The following RFX8 variants were observed in gnomAD, a reference collection of about 807,000 sequenced individuals.
RFX8 encodes the protein regulatory factor X8, also known as DNA-binding protein RFX8.
In RFX8, 46 loss-of-function variants were observed where a neutral mutation model predicts 54.6. The observed-to-expected ratio is 0.84, with a 90% confidence interval of 0.67 to 1.08. RFX8 has a LOEUF of 1.08. Ranked by LOEUF, RFX8 falls within the 50% of genes least tolerant of loss-of-function variation. The pLI is 0.00. For synonymous variants in RFX8, 192 were observed against 209.5 expected (o/e 0.92, Z 0.72); for missense variants, 536 against 562.3 (o/e 0.95, Z 0.47).
intron 2 of RFX8, among the ~76,000 whole-genome samples, chr2:101,442,416 G>A (rs2148960153): frequency 6.6e-6 from 1 of 152,196 alleles, no homozygotes; most frequent in African/African-American, 2.4e-5. Context: ...ATCTCTAAGG[G>A]TGAGTCAGCT....
chr2:101,400,227 C>T (rs961527981), intron 11 of RFX8, among the ~76,000 whole-genome samples: 2 of 152,208 alleles, frequency 1.3e-5, no homozygotes, highest in African/African-American at 4.8e-5. Flanking sequence ...TAACATTCTC[C>T]GCTTGGCTGA....
chr2:101,467,037 C>T (rs965629031), intron 1 of RFX8, 137 bp from the exon 2 acceptor site: 26 of 621,458 alleles, frequency 4.2e-5, no homozygotes, highest in Middle Eastern at 3.9e-4. Context: ...TGAATCCCTG[C>T]GAAGGCTCAC....
intron 2 of RFX8, among the ~76,000 whole-genome samples, chr2:101,430,045 A>G (rs536130995): frequency 6.6e-6 from 1 of 152,354 alleles, no homozygotes; most frequent in South Asian, 2.1e-4. Context: ...ATGTTTCCAC[A>G]TAATGTTATA....
intron 2 of RFX8, among the ~76,000 whole-genome samples, chr2:101,437,051 C>A (rs951869648): frequency 2.0e-5 from 3 of 152,156 alleles, no homozygotes; most frequent in Non-Finnish European, 4.4e-5. Flanking sequence ...TGGGGCCTGT[C>A]ATGATGTCTT....
intron 9 of RFX8, among the ~76,000 whole-genome samples, chr2:101,408,601 T>A (rs1685901150): frequency 6.6e-6 from 1 of 152,150 alleles, no homozygotes. Flanking sequence ...AGCAAATGAA[T>A]AAATGTCTCA....
In RFX8 at chr2:101,447,769, C is replaced by T. The variant is rs190153767; in HGVS notation, c.72+19008G>A. Reference sequence around the variant, plus strand: ...TCATTAACCCATCTTTCATTCCTCCCTATTCTCTCCAGCCTCTGGTAACCA... The same window carrying T: ...TCATTAACCCATCTTTCATTCCTCCTTATTCTCTCCAGCCTCTGGTAACCA... On this transcript the variant is annotated intron_variant, in intron 2 of 11. Coordinates refer to ENST00000428343, the MANE Select transcript of RFX8 (RefSeq NM_001145664.2). 2.0e-5 allele frequency among the ~76,000 whole-genome samples: 3 copies of T among 152,296 alleles called. No homozygotes were observed. The East Asian group carries it at 5.8e-4, about 29-fold the overall frequency.
intron 2 of RFX8, among the ~76,000 whole-genome samples, chr2:101,423,528 T>A (rs1343511202): frequency 1.3e-5 from 2 of 152,196 alleles, no homozygotes; most frequent in African/African-American, 4.8e-5. Context: ...AGTTGAAAAT[T>A]GAGCAGCCAA....
chr2:101,451,601 A>G (rs899308035), intron 2 of RFX8, among the ~76,000 whole-genome samples: 5 of 151,204 alleles, frequency 3.3e-5, no homozygotes, highest in African/African-American at 1.2e-4. Flanking sequence ...AGGCAGGAGA[A>G]TCGCTTGAAT....
chr2:101,397,445 A>T lies in RFX8; in HGVS notation c.*103T>A. 1 of 714,434 alleles carries T rather than the reference A, an allele frequency of 1.4e-6. No individual in the cohort carries two copies. The allele number at this position is 714,434 out of a possible 1,614,324, so 44.3% of individuals were successfully genotyped here. A position where few individuals can be genotyped will look rare whatever the true frequency, so the allele number is the denominator to read the frequency against. On this transcript the variant is annotated 3_prime_UTR_variant, in exon 12 of 12. Coordinates refer to ENST00000428343, the MANE Select transcript of RFX8 (RefSeq NM_001145664.2). ...TAAAATAGACAATGCTACATCTATTATATACATAACATCATCTTTCGTCAA... is the reference window on the plus strand; with the variant it reads ...TAAAATAGACAATGCTACATCTATTTTATACATAACATCATCTTTCGTCAA...
At chr2:101,458,190 G>T (rs1236196605) in intron 2 of RFX8, among the ~76,000 whole-genome samples, 1 of 152,014 alleles carries the variant, frequency 6.6e-6, no homozygotes, top group African/African-American at 2.4e-5. Context: ...TCCTTTAATG[G>T]GGGCATTTAG....
intron 2 of RFX8, 47 bp downstream of exon 2, chr2:101,466,730 T>C: frequency 2.2e-6 from 3 of 1,341,970 alleles, no homozygotes; most frequent in South Asian, 1.3e-5. Flanking sequence ...CTTGCTTCCC[T>C]TTTTTGCACT....
intron 4 of RFX8, 100 bp downstream of exon 4, chr2:101,421,624 T>C: frequency 6.8e-7 from 1 of 1,481,074 alleles, no homozygotes; most frequent in Non-Finnish European, 9.0e-7. Context: ...ATTGGACATC[T>C]GTTGACGGGG....
intron 9 of RFX8, among the ~76,000 whole-genome samples, chr2:101,409,555 G>A (rs1035345929): frequency 6.6e-6 from 1 of 151,498 alleles, no homozygotes; most frequent in Non-Finnish European, 1.5e-5. Flanking sequence ...CCAGGCTGGA[G>A]TGCAGTGGCT....
intron 2 of RFX8, among the ~76,000 whole-genome samples, chr2:101,436,022 GC>G: frequency 6.6e-6 from 1 of 152,180 alleles, no homozygotes; most frequent in South Asian, 2.1e-4. Flanking sequence ...GGCCACCAGC[GC>G]CCTGGTTCCC....
intron 9 of RFX8, among the ~76,000 whole-genome samples, chr2:101,409,377 C>T (rs1413164861): frequency 6.6e-6 from 1 of 152,052 alleles, no homozygotes; most frequent in East Asian, 1.9e-4. Flanking sequence ...CGCATGACAT[C>T]ACGCCCAGCT....
intron 1 of RFX8, chr2:101,474,200 A>G: frequency 3.4e-6 from 2 of 595,402 alleles, no homozygotes. Context: ...CTGGCGGCTC[A>G]CCACTGGATG....
Position 101,455,202 on chromosome 2 carries a change from G to A in RFX8, c.72+11575C>T, listed in dbSNP as rs543251869. Among the ~76,000 whole-genome samples, 15 of 151,986 alleles carry A rather than the reference G, an allele frequency of 9.9e-5. No individual in the cohort carries two copies. In the South Asian group the frequency reaches 2.3e-3, roughly 23 times the overall value. ...ATTTTTTGTATTTTTTAGTAGAGAC[G>A]GGGTTTCACTATGTTGGCCAGGCTG... On this transcript the variant is annotated intron_variant, in intron 2 of 11. Coordinates refer to ENST00000428343, the MANE Select transcript of RFX8 (RefSeq NM_001145664.2).
intron 6 of RFX8, among the ~76,000 whole-genome samples, chr2:101,416,748 G>A (rs1686537642): frequency 6.6e-6 from 1 of 152,152 alleles, no homozygotes. Flanking sequence ...AAGGAGCATG[G>A]AGCTGCAGGG....
At chr2:101,442,875 G>A (rs940840310) in intron 2 of RFX8, among the ~76,000 whole-genome samples, 1 of 152,024 alleles carries the variant, frequency 6.6e-6, no homozygotes, top group African/African-American at 2.4e-5. Context: ...TCTGGGGAGC[G>A]GAAGAGTGTC....
Sources: gnomAD v4.1 joint callset for allele counts (sites outside exome capture counted in the v4.1 genomes callset) on GRCh38, gnomAD v4.1.1 for gene constraint, MANE v1.5 for transcripts, NCBI Gene and HGNC (gene_info 2026-07-23, HGNC 2026-07-21) for gene names.